The following CPD variants were observed in gnomAD, a reference collection of about 807,000 sequenced individuals.
CPD encodes metallocarboxypeptidase D.
CPD carries 69 observed loss-of-function variants against 138.3 expected under a neutral mutation model. The observed-to-expected ratio is 0.50, with a 90% confidence interval of 0.41 to 0.61. The LOEUF (loss-of-function observed/expected upper bound fraction) is 0.61, where lower values mean the gene tolerates loss of function less well. Among genes scored for constraint, CPD ranks in the 20% least tolerant of loss-of-function variants. The probability of loss-of-function intolerance (pLI) is 0.00; values close to 1 mark genes in which losing one functional copy is unlikely to be tolerated. For synonymous variants in CPD, 651 were observed against 642.1 expected, an observed-to-expected ratio of 1.01 and a Z score of -0.21; for missense variants, 1,432 against 1,733.3, an observed-to-expected ratio of 0.83 and a Z score of 3.09.
intron 8 of CPD, among the ~76,000 whole-genome samples, chr17:30,432,568 A>G (rs1193626119): frequency 6.6e-6 from 1 of 152,048 alleles, no homozygotes; most frequent in Admixed American, 6.6e-5. Flanking sequence ...TACTCTTACA[A>G]TCGGGAATGT....
intron 2 of CPD, among the ~76,000 whole-genome samples, chr17:30,399,925 A>G (rs546344546): frequency 6.6e-6 from 1 of 152,320 alleles, no homozygotes; most frequent in East Asian, 1.9e-4. Flanking sequence ...CGGGAGGCAG[A>G]GGTTACAGTG....
chr17:30,396,295 A>G (rs1219553986), intron 2 of CPD, among the ~76,000 whole-genome samples: 2 of 152,056 alleles, frequency 1.3e-5, no homozygotes, highest in African/African-American at 4.8e-5. Flanking sequence ...AAAAAAACAC[A>G]TTGTAGTTTC....
At chr17:30,438,947 G>T in intron 8 of CPD, 28 bp from the exon 9 acceptor site, 1 of 1,311,646 alleles carries the variant, frequency 7.6e-7, no homozygotes, top group Non-Finnish European at 1.1e-6. Context: ...CAAACAAATA[G>T]AAGTAAAGAT....
intron 12 of CPD, 95 bp downstream of exon 12, chr17:30,446,115 G>C (rs1913023732): frequency 1.1e-6 from 1 of 892,554 alleles, no homozygotes; most frequent in African/African-American, 1.7e-5. Flanking sequence ...AGAAATATTT[G>C]GGAACAGAAT....
At chr17:30,411,240 T>C (rs1255240190) in intron 2 of CPD, among the ~76,000 whole-genome samples, 2 of 152,248 alleles carry the variant, frequency 1.3e-5, no homozygotes, top group African/African-American at 4.8e-5. Flanking sequence ...GTTAGTCCGA[T>C]GGGCTTCCCT....
intron 2 of CPD, among the ~76,000 whole-genome samples, chr17:30,388,929 A>G (rs186216463): frequency 7.8e-4 from 118 of 152,178 alleles, no homozygotes; most frequent in Non-Finnish European, 1.5e-3. Flanking sequence ...GCCCGCGCAG[A>G]GCCTCCTCCC....
intron 17 of CPD, among the ~76,000 whole-genome samples, chr17:30,460,087 T>TA (rs1159282048): frequency 6.6e-6 from 1 of 152,194 alleles, no homozygotes; most frequent in Admixed American, 6.5e-5. Context: ...CGTGAGAAAT[T>TA]AAAGACACAA....
intron 4 of CPD, 46 bp downstream of exon 4, chr17:30,421,879 C>CT: frequency 7.0e-7 from 1 of 1,425,860 alleles, no homozygotes; most frequent in Non-Finnish European, 9.8e-7. Flanking sequence ...TGTCAAGTCT[C>CT]TGTTTTATAT....
At chr17:30,408,774 C>G (rs1911876562) in intron 2 of CPD, among the ~76,000 whole-genome samples, 1 of 151,272 alleles carries the variant, frequency 6.6e-6, no homozygotes, top group South Asian at 2.1e-4. Context: ...TTGAGTTCCT[C>G]TTTTCCTAGT....
chr17:30,422,551 T>C, intron 4 of CPD, 123 bp from the exon 5 acceptor site: 2 of 622,948 alleles, frequency 3.2e-6, no homozygotes, highest in African/African-American at 1.9e-5. Flanking sequence ...TCTCTCTTTA[T>C]TTAGTTTGAG....
chr17:30,379,560 G>T lies in CPD; in HGVS notation c.580G>T (p.Asp194Tyr). The T allele has an allele frequency of 1.3e-6, 2 of 1,541,678 alleles. No individual in the cohort carries two copies. Among genetic ancestry groups the T allele is most frequent in the Non-Finnish European group, 1.7e-6 (2 of 1,155,188 alleles). Residue 194 changes from aspartate to tyrosine, a missense_variant, in exon 1 of 21, where the codon GAC becomes TAC. By Grantham distance (160) the Asp-to-Tyr change is radical. Around this residue, in one of 6 missense-constraint regions of CPD, gnomAD observed 484 missense variants for 477.2 expected, o/e 1.01. Coordinates refer to ENST00000225719, the MANE Select transcript of CPD (RefSeq NM_001304.5). This position sits in a 1 kb window ranked among gnomAD's most constrained non-coding sequence, Gnocchi z 7.0. ...TGGCTTCGAGCGTGCCCGCGAGGGC[G>T]ACTGTGGCTTCGGCGACGGCGGCCC... ...PDGFERAREG[D>Y]CGFGDGGPSG... is the part of the protein sequence containing the mutation.
chr17:30,428,988 A>G (rs971984776), intron 7 of CPD, among the ~76,000 whole-genome samples: 1 of 152,196 alleles, frequency 6.6e-6, no homozygotes, highest in African/African-American at 2.4e-5. Flanking sequence ...ACTTCATGTC[A>G]TATAGAGTAG....
At chr17:30,433,874 TAAC>T (rs1319831600) in intron 8 of CPD, among the ~76,000 whole-genome samples, 1 of 152,218 alleles carries the variant, frequency 6.6e-6, no homozygotes, top group Non-Finnish European at 1.5e-5. Flanking sequence ...ATGTGTGTCT[TAAC>T]AATATTCTCC....
chr17:30,417,859 T>C (rs149184995), intron 2 of CPD, among the ~76,000 whole-genome samples: 2 of 152,308 alleles, frequency 1.3e-5, no homozygotes, highest in African/African-American at 4.8e-5. Flanking sequence ...CGGAAAACTT[T>C]ATCCTCAGCC....
intron 20 of CPD, among the ~76,000 whole-genome samples, chr17:30,463,004 G>T (rs955383810): frequency 6.6e-6 from 1 of 152,132 alleles, no homozygotes; most frequent in Non-Finnish European, 1.5e-5. Flanking sequence ...TTCCGCCCTG[G>T]GCGGGCCAGG....
At chr17:30,444,645 T>A (rs2143473365) in intron 11 of CPD, among the ~76,000 whole-genome samples, 1 of 149,586 alleles carries the variant, frequency 6.7e-6, no homozygotes, top group East Asian at 2.1e-4. Context: ...TGCCTCAGCC[T>A]CCCAAGTAGT....
intron 8 of CPD, among the ~76,000 whole-genome samples, chr17:30,438,492 G>GT (rs1017809770): frequency 5.3e-5 from 8 of 152,168 alleles, no homozygotes; most frequent in African/African-American, 1.7e-4. Context: ...GGTGCAACTA[G>GT]TTGTAATAGG....
chr17:30,456,053 G>T (rs1913284435), intron 15 of CPD: 2 of 550,446 alleles, frequency 3.6e-6, no homozygotes, highest in Non-Finnish European at 6.4e-6. Context: ...CTCACCATTA[G>T]AACCTTTTCA....
chr17:30,465,470 A>G lies in CPD; in HGVS notation c.*656A>G, dbSNP rs1431947278. ...TCACTACCTCTCTTAAGGTTTAGCA[A>G]ACTTCTAAATAGCCCATTTTAAGGG... On this transcript the variant is annotated 3_prime_UTR_variant, in exon 21 of 21. Transcript: ENST00000225719. The G allele has an allele frequency of 1.3e-5, 2 of 152,650 alleles. No homozygotes were observed. The highest frequency in any genetic ancestry group is 2.9e-5 in the Non-Finnish European group (2 of 68,058). The allele number at this position is 152,650 out of a possible 1,614,324, so 9.5% of individuals were successfully genotyped here. A position where few individuals can be genotyped will look rare whatever the true frequency, so the allele number is the denominator to read the frequency against.
Sources: allele counts gnomAD v4.1 joint callset (sites outside exome capture counted in the v4.1 genomes callset), GRCh38; gene constraint gnomAD v4.1.1; regional missense constraint gnomAD v4.1.1; non-coding constraint Gnocchi (gnomAD v3.1); transcripts MANE v1.5; gene names NCBI Gene and HGNC (gene_info 2026-07-23, HGNC 2026-07-21).